Variants in CPLX4 observed in about 807,000 individuals in gnomAD.
The protein encoded by CPLX4 is complexin-4.
A neutral mutation model predicts 16.1 loss-of-function variants in CPLX4; 17 were observed. That is an observed-to-expected ratio of 1.06 (90% CI 0.72 to 1.59). The LOEUF (loss-of-function observed/expected upper bound fraction) is 1.59. Ranked by LOEUF, CPLX4 falls within the 40% of genes most tolerant of loss-of-function variation. The pLI, the probability that CPLX4 is intolerant of heterozygous loss-of-function variation, is 0.00. For missense variants in CPLX4, 193 were observed against 192.9 expected, an observed-to-expected ratio of 1.00 and a Z score of 0.00; for synonymous variants, 55 against 57.8, an observed-to-expected ratio of 0.95 and a Z score of 0.22.
chr18:59,314,156 G>A (rs994900211), intron 1 of CPLX4, among the ~76,000 whole-genome samples: 8 of 152,184 alleles, frequency 5.3e-5, no homozygotes, highest in East Asian at 1.9e-4. Flanking sequence ...AGAGAACATC[G>A]GGTTCAACCT....
chr18:59,304,528 G>A (rs372343953), intron 2 of CPLX4, among the ~76,000 whole-genome samples: 1 of 152,072 alleles, frequency 6.6e-6, no homozygotes, highest in South Asian at 2.1e-4. Flanking sequence ...CTAATGGCAG[G>A]TAAATTCTTT....
At chr18:59,299,521 T>C (rs905879375) in intron 2 of CPLX4, among the ~76,000 whole-genome samples, 2 of 152,236 alleles carry the variant, frequency 1.3e-5, no homozygotes, top group Admixed American at 1.3e-4. Flanking sequence ...AACACACTCA[T>C]GAGGGCTCAC....
chr18:59,315,659 A>G (rs1332251802), intron 1 of CPLX4, among the ~76,000 whole-genome samples: 2 of 152,120 alleles, frequency 1.3e-5, no homozygotes, highest in Admixed American at 6.5e-5. Flanking sequence ...TAAAAGCTTT[A>G]TAATTTTGGC....
intron 2 of CPLX4, among the ~76,000 whole-genome samples, chr18:59,298,091 T>G (rs1248288355): frequency 6.7e-6 from 1 of 149,950 alleles, no homozygotes; most frequent in Non-Finnish European, 1.5e-5. Context: ...TGAGATTCCT[T>G]TATTTTTTTT....
intron 2 of CPLX4, among the ~76,000 whole-genome samples, chr18:59,298,985 C>G (rs72966455): frequency 0.02 from 3,040 of 152,320 alleles, 69 homozygotes; most frequent in East Asian, 0.11. Context: ...CCCAGGCCCT[C>G]CTTGGAGAGC....
At position 59,295,595 on chromosome 18, in the gene CPLX4, GT is replaced by G. The variant is rs1210216703; in HGVS notation, c.*1102del. The stretch of plus-strand genomic sequence containing the variant: ...AAAAAAAAAAAAAAATCAGTATTTT[GT>G]TTTGGTTTGGTGGGCTTTAGCTAAA... On this transcript the variant is annotated 3_prime_UTR_variant, in exon 3 of 3. Coordinates refer to ENST00000299721, the MANE Select transcript of CPLX4 (RefSeq NM_181654.4). The G allele has an allele frequency of 6.7e-6, 1 of 150,142 alleles. No homozygotes were observed. The highest frequency in any genetic ancestry group is 1.5e-5 in the Non-Finnish European group (1 of 67,564). 9.3% of individuals were successfully genotyped at this position (150,142 alleles called of 1,614,324 possible). A position where few individuals can be genotyped will look rare whatever the true frequency, so the allele number is the denominator to read the frequency against.
chr18:59,313,600 CCT>C (rs2070632676), intron 1 of CPLX4, among the ~76,000 whole-genome samples: 1 of 152,204 alleles, frequency 6.6e-6, no homozygotes, highest in South Asian at 2.1e-4. Flanking sequence ...ATGGCCCTGC[CCT>C]CTGGCTATAT....
intron 1 of CPLX4, among the ~76,000 whole-genome samples, chr18:59,315,749 C>T (rs954070833): frequency 2.0e-5 from 3 of 152,042 alleles, no homozygotes; most frequent in African/African-American, 7.2e-5. Context: ...CAATGTTTTT[C>T]AGTTGTTTAG....
chr18:59,307,092 A>C (rs1014429486), intron 2 of CPLX4, among the ~76,000 whole-genome samples: 2 of 152,168 alleles, frequency 1.3e-5, no homozygotes, highest in Non-Finnish European at 2.9e-5. Context: ...AAAGTCTACC[A>C]CCAGGAATCT....
At chr18:59,301,064 C>T (rs2070537619) in intron 2 of CPLX4, among the ~76,000 whole-genome samples, 1 of 152,218 alleles carries the variant, frequency 6.6e-6, no homozygotes, top group African/African-American at 2.4e-5. Flanking sequence ...TGCCAGCCCT[C>T]ACTGGGAAGG....
chr18:59,306,450 G>C (rs1445317281), intron 2 of CPLX4, among the ~76,000 whole-genome samples: 1 of 152,150 alleles, frequency 6.6e-6, no homozygotes, highest in Non-Finnish European at 1.5e-5. Context: ...TTACTTATCT[G>C]ATTACCAAAA....
intron 1 of CPLX4, among the ~76,000 whole-genome samples, chr18:59,313,070 C>T (rs2070628523): frequency 6.6e-6 from 1 of 152,120 alleles, no homozygotes; most frequent in South Asian, 2.1e-4. Flanking sequence ...ACTGTTCAGC[C>T]AGGGACCATG....
chr18:59,316,883 G>A (rs1213408688), intron 1 of CPLX4, among the ~76,000 whole-genome samples: 1 of 152,112 alleles, frequency 6.6e-6, no homozygotes, highest in Non-Finnish European at 1.5e-5. Context: ...ATCTGAGAAT[G>A]TTTGATGCTG....
intron 2 of CPLX4, among the ~76,000 whole-genome samples, chr18:59,308,800 T>C (rs2070595960): frequency 6.6e-6 from 1 of 152,218 alleles, no homozygotes; most frequent in East Asian, 1.9e-4. Flanking sequence ...GAAACGTGTC[T>C]GTCCCCCGCA....
chr18:59,318,198 CT>C, intron 1 of CPLX4, 97 bp downstream of exon 1: 2 of 1,452,798 alleles, frequency 1.4e-6, no homozygotes, highest in Non-Finnish European at 1.8e-6. Context: ...GGAAAGGCAT[CT>C]TAAAAAGCAA....
intron 2 of CPLX4, among the ~76,000 whole-genome samples, chr18:59,300,138 C>G (rs1272364773): frequency 2.6e-5 from 4 of 152,158 alleles, no homozygotes; most frequent in African/African-American, 9.7e-5. Flanking sequence ...TCAAGACCAG[C>G]ATGGCCAATT....
At chr18:59,310,658 T>C (rs1446866513) in intron 2 of CPLX4, among the ~76,000 whole-genome samples, 1 of 152,182 alleles carries the variant, frequency 6.6e-6, no homozygotes, top group Non-Finnish European at 1.5e-5. Flanking sequence ...AGAGCTCTAT[T>C]GTCAGGCGTT....
At position 59,318,438 on chromosome 18, in the gene CPLX4, T is replaced by G; in HGVS notation, c.25A>C (p.Ile9Leu). MAFLMKSM[I>L]SNQVKNLGFG... ...CCTAAATTCTTTACCTGGTTACTTA[T>G]CATACTTTTCATAAGGAAAGCCATT... Residue 9 changes from isoleucine (I) to leucine (L), a missense_variant, in exon 1 of 3, where the codon ATA (isoleucine) becomes CTA (leucine). By Grantham distance (5) the Ile-to-Leu change is conservative (BLOSUM62 2). Transcript: ENST00000299721. 6.2e-7 allele frequency: 1 copy of G among 1,610,798 alleles called. No homozygotes were observed. The highest frequency in any genetic ancestry group is 8.5e-7 in the Non-Finnish European group (1 of 1,178,984).
In CPLX4 at chr18:59,295,864, G is replaced by A. The variant is rs1355475553; in HGVS notation, c.*834C>T. On this transcript the variant is annotated 3_prime_UTR_variant, in exon 3 of 3. Transcript: ENST00000299721. The stretch of plus-strand genomic sequence containing the variant: ...GAGAGAGGTTGGGAGGAGACAGAGA[G>A]AGATTGATTTAACTTCTTAATGCTC... 6 of 152,096 alleles carry A rather than the reference G, an allele frequency of 3.9e-5. No homozygotes were observed. The highest frequency in any genetic ancestry group is 1.4e-4 in the African/African-American group (6 of 41,428). 9.4% of individuals were successfully genotyped at this position (152,096 alleles called of 1,614,324 possible).
Sources: gnomAD v4.1 joint callset for allele counts (sites outside exome capture counted in the v4.1 genomes callset) on GRCh38, gnomAD v4.1.1 for gene constraint, MANE v1.5 for transcripts, NCBI Gene and HGNC (gene_info 2026-07-23, HGNC 2026-07-21) for gene names.